The following BCAS1 variants were observed in gnomAD, a reference collection of about 807,000 sequenced individuals.
BCAS1 encodes brain enriched myelin associated protein 1.
In BCAS1, 46 loss-of-function variants were observed where a neutral mutation model predicts 65.4. That is an observed-to-expected ratio of 0.70 (90% confidence interval 0.55 to 0.90). The LOEUF (loss-of-function observed/expected upper bound fraction) is 0.90. Ranked by LOEUF, BCAS1 falls within the 40% of genes least tolerant of loss-of-function variation. The pLI is 0.00. For missense variants in BCAS1, 793 were observed against 771.2 expected (o/e 1.03, Z -0.33); for synonymous variants, 298 against 293.5 (o/e 1.02, Z -0.16).
chr20:54,065,868 G>A (rs1158270390), intron 1 of BCAS1, among the ~76,000 whole-genome samples: 1 of 152,210 alleles, frequency 6.6e-6, no homozygotes, highest in Non-Finnish European at 1.5e-5. Flanking sequence ...TGTGGCCCAT[G>A]TGTTGTATAA....
At position 54,028,693 on chromosome 20, in the gene BCAS1, G is replaced by A. The variant is rs1419649430; in HGVS notation, c.422C>T (p.Pro141Leu). 8 of 1,614,024 alleles carry A rather than the reference G, an allele frequency of 5.0e-6. No individual in the cohort carries two copies. The highest frequency in any genetic ancestry group is 3.3e-5 in the Admixed American group (2 of 59,992). Residue 141 changes from proline (P) to leucine (L), a missense_variant, in exon 4 of 13, where the codon CCG (proline) becomes CTG (leucine). Transcript: ENST00000688948. ...GTCCTGCCCCGGTCCAGCTGCCACC[G>A]GAAGTGTCCAGCTCTCACTTGGGTC... is the stretch of plus-strand genomic sequence containing the variant. ...NKDPSESWTLPVAAGPGQDTD... is the reference protein window; with the variant it reads ...NKDPSESWTLLVAAGPGQDTD...
chr20:53,988,455 G>GT (rs1462216953), intron 7 of BCAS1, among the ~76,000 whole-genome samples: 1 of 152,186 alleles, frequency 6.6e-6, no homozygotes, highest in African/African-American at 2.4e-5. Flanking sequence ...GACAGACACT[G>GT]TTTTAAGCAC....
chr20:54,066,096 G>A (rs6022941), intron 1 of BCAS1, among the ~76,000 whole-genome samples: 1,932 of 145,122 alleles, frequency 0.013, 24 homozygotes, highest in African/African-American at 0.045. Context: ...TTTTTGAGGC[G>A]AAGTCTGGCT....
intron 11 of BCAS1, among the ~76,000 whole-genome samples, chr20:53,956,725 T>C (rs1811213690): frequency 6.6e-6 from 1 of 152,202 alleles, no homozygotes; most frequent in Admixed American, 6.5e-5. Context: ...CCACTCATTC[T>C]TGTAGCCACT....
At chr20:53,977,586 C>T (rs1030260853) in intron 8 of BCAS1, among the ~76,000 whole-genome samples, 1 of 152,176 alleles carries the variant, frequency 6.6e-6, no homozygotes, top group Non-Finnish European at 1.5e-5. Context: ...TCATTGCTCA[C>T]TATATTTCAG....
intron 8 of BCAS1, 89 bp downstream of exon 8, chr20:53,985,198 T>C (rs902303899): frequency 3.2e-6 from 4 of 1,263,900 alleles, no homozygotes; most frequent in Admixed American, 1.8e-5. Flanking sequence ...CTTCCATACA[T>C]TGTTGAGTAC....
At position 54,035,155 on chromosome 20, in the gene BCAS1, G is replaced by C. The variant is rs1475376484; in HGVS notation, c.143-6183C>G. ...CGGCCGGGCTTGGTGGCTCACGCTT[G>C]TAATCCCAGCACTTTGGAAGGCCGA... On this transcript the variant is annotated intron_variant, in intron 3 of 12. Transcript: ENST00000688948. Among the ~76,000 whole-genome samples the C allele has an allele frequency of 1.3e-5, 2 of 151,136 alleles. 1 individual carries two copies. The highest frequency in any genetic ancestry group is 3.0e-5 in the Non-Finnish European group (2 of 67,532).
intron 8 of BCAS1, among the ~76,000 whole-genome samples, chr20:53,977,685 T>A (rs2090369366): frequency 1.3e-5 from 2 of 152,208 alleles, no homozygotes; most frequent in Non-Finnish European, 2.9e-5. Flanking sequence ...ATTTTTTAAA[T>A]CTTCATTATG....
chr20:54,002,382 G>GT (rs138731479), intron 4 of BCAS1, among the ~76,000 whole-genome samples: 2,947 of 152,234 alleles, frequency 0.019, 67 homozygotes, highest in African/African-American at 0.051. Flanking sequence ...TTGTTGTTTG[G>GT]TTTTTTTGTC....
At chr20:53,991,824 T>C (rs2090767851) in intron 7 of BCAS1, among the ~76,000 whole-genome samples, 2 of 152,240 alleles carry the variant, frequency 1.3e-5, no homozygotes, top group African/African-American at 4.8e-5. Flanking sequence ...AGCATACCAT[T>C]GGTGGATCAG....
intron 4 of BCAS1, among the ~76,000 whole-genome samples, chr20:54,001,055 T>C (rs1263355750): frequency 6.6e-6 from 1 of 152,224 alleles, no homozygotes; most frequent in Non-Finnish European, 1.5e-5. Flanking sequence ...CCTGTTTGGG[T>C]GGCTGGATAT....
At position 53,953,510 on chromosome 20, in the gene BCAS1, G is replaced by C. The variant is rs764522610; in HGVS notation, c.1737C>G (p.Asn579Lys). Residue 579 changes from asparagine to lysine, a missense_variant, in exon 12 of 13, where the codon AAC (asparagine) becomes AAG (lysine). By Grantham distance (94) the Asn-to-Lys change is moderately conservative. Coordinates refer to ENST00000688948, the MANE Select transcript of BCAS1 (RefSeq NM_001366298.2). ...QCTEQATVDT[N>K]SLQNGDKLQK... ...GGAGCTTGTCCCCATTCTGCAGTGA[G>C]TTCGTGTCCACCGTGGCCTGCTCTG... is the stretch of plus-strand genomic sequence containing the variant. 1.2e-6 allele frequency: 2 copies of C among 1,614,036 alleles called. No homozygotes were observed. Among genetic ancestry groups the C allele is most frequent in the Admixed American group, 3.3e-5 (2 of 60,002 alleles).
chr20:54,006,095 C>T (rs913742912), intron 4 of BCAS1, among the ~76,000 whole-genome samples: 2 of 152,148 alleles, frequency 1.3e-5, no homozygotes, highest in Non-Finnish European at 2.9e-5. Context: ...TAAACAGCAG[C>T]AGAAGCAGCA....
At chr20:53,958,380 A>C (rs943560086) in intron 10 of BCAS1, among the ~76,000 whole-genome samples, 1 of 152,164 alleles carries the variant, frequency 6.6e-6, no homozygotes. Context: ...TAATTCCCAC[A>C]CGTTTGATCA....
At chr20:54,050,599 T>C (rs2092194306) in intron 3 of BCAS1, among the ~76,000 whole-genome samples, 1 of 152,224 alleles carries the variant, frequency 6.6e-6, no homozygotes, top group Non-Finnish European at 1.5e-5. Context: ...TACAATTTCA[T>C]GAATGGGATG....
At chr20:53,963,691 T>A (rs73137783) in intron 10 of BCAS1, among the ~76,000 whole-genome samples, 4,870 of 152,338 alleles carry the variant, frequency 0.032, 106 homozygotes, top group Middle Eastern at 0.095. Flanking sequence ...AAAAAACCCT[T>A]AGCGATGGGC....
At chr20:53,980,632 C>A (rs1296638890) in intron 8 of BCAS1, among the ~76,000 whole-genome samples, 1 of 152,226 alleles carries the variant, frequency 6.6e-6, no homozygotes, top group Admixed American at 6.5e-5. Context: ...TTTACTCAAA[C>A]ATCACATCTG....
intron 6 of BCAS1, among the ~76,000 whole-genome samples, chr20:53,994,508 G>A (rs1449421057): frequency 2.6e-5 from 4 of 152,158 alleles, no homozygotes; most frequent in Non-Finnish European, 5.9e-5. Flanking sequence ...TGCCTTTGCA[G>A]TAAAGATTTA....
chr20:53,985,531 T>A lies in BCAS1; in HGVS notation c.1063-32A>T. 3.8e-6 allele frequency: 6 copies of A among 1,594,656 alleles called. No individual in the cohort carries two copies. In the South Asian group the frequency reaches 5.6e-5, roughly 15 times the overall value. On this transcript the variant is annotated intron_variant, in intron 7 of 12. Coordinates refer to ENST00000688948, the MANE Select transcript of BCAS1 (RefSeq NM_001366298.2). ...AGTTAAAAAAAATGGAGGGAAAACA[T>A]TCAAAATGGTCTCAAAATTTTAAAA...
Sources: gnomAD v4.1 joint callset for allele counts (sites outside exome capture counted in the v4.1 genomes callset) on GRCh38, gnomAD v4.1.1 for gene constraint, MANE v1.5 for transcripts, NCBI Gene and HGNC (gene_info 2026-07-23, HGNC 2026-07-21) for gene names.